The following TDRD3 variants were observed in gnomAD, a reference collection of about 807,000 sequenced individuals.
The protein encoded by TDRD3 is tudor domain-containing protein 3.
A neutral mutation model predicts 86.7 loss-of-function variants in TDRD3; 45 were observed. The ratio of observed to expected loss-of-function variants is 0.52; its 90% CI spans 0.41 to 0.67. TDRD3 has a LOEUF of 0.67. Among genes scored for constraint, TDRD3 ranks in the 30% least tolerant of loss-of-function variants. TDRD3 has a pLI of 0.00. For synonymous variants in TDRD3, 298 were observed against 301.7 expected (o/e 0.99, Z 0.13); for missense variants, 814 against 889.0 (o/e 0.92, Z 1.07).
In TDRD3 at chr13:60,510,650, C is replaced by A; in HGVS notation, c.1036C>A (p.Arg346=). ...TAAAGGTAGAGGAAAAGGCAGGGGGCGAATAAGATCTGAAGATGAAGAGGA... is the reference window on the plus strand; with the variant it reads ...TAAAGGTAGAGGAAAAGGCAGGGGGAGAATAAGATCTGAAGATGAAGAGGA... ...PLRGRGKGRG[R]IRSEDEEDLG... is the part of the protein sequence containing the mutation. The change falls in exon 10 of 14, where the codon CGA becomes AGA. Residue 346 remains arginine, a synonymous_variant. Coordinates refer to ENST00000377881, the MANE Select transcript of TDRD3 (RefSeq NM_001146070.2). 6.2e-7 allele frequency: 1 copy of A among 1,600,380 alleles called. No individual in the cohort carries two copies. Among genetic ancestry groups the A allele is most frequent in the Non-Finnish European group, 8.5e-7 (1 of 1,173,410 alleles).
At chr13:60,561,104 G>A (rs1958322068) in intron 12 of TDRD3, among the ~76,000 whole-genome samples, 1 of 152,044 alleles carries the variant, frequency 6.6e-6, no homozygotes, top group Non-Finnish European at 1.5e-5. Flanking sequence ...CAGAAACCAA[G>A]ATAATCTGTT....
At chr13:60,453,152 T>C (rs954814222) in intron 3 of TDRD3, among the ~76,000 whole-genome samples, 1 of 152,150 alleles carries the variant, frequency 6.6e-6, no homozygotes, top group Admixed American at 6.5e-5. Context: ...TAGCAAAAGC[T>C]AAATATGACA....
chr13:60,397,285 T>TC lies in TDRD3; in HGVS notation c.-80_-79insC. On this transcript the variant is annotated 5_prime_UTR_variant, in exon 1 of 14. It introduces an in-frame stop codon into an upstream open reading frame of the 5' UTR. Transcript: ENST00000377881. ...TTCTTTTCTTTTCTTTTTTTTTTTT[T>TC]AAGGGGGGGGGTCTCAAGTAGGAGG... The TC allele has an allele frequency of 2.1e-5, 13 of 623,710 alleles. No homozygotes were observed. Among genetic ancestry groups the TC allele is most frequent in the East Asian group, 3.8e-5 (1 of 26,488 alleles). The allele number at this position is 623,710 out of a possible 1,614,324, so 38.6% of individuals were successfully genotyped here.
At chr13:60,453,355 C>G (rs888121065) in intron 3 of TDRD3, among the ~76,000 whole-genome samples, 1 of 152,126 alleles carries the variant, frequency 6.6e-6, no homozygotes, top group African/African-American at 2.4e-5. Flanking sequence ...CTTTTCCTAG[C>G]CAATTCAGTT....
intron 7 of TDRD3, among the ~76,000 whole-genome samples, chr13:60,491,959 G>A (rs1000860803): frequency 5.9e-5 from 9 of 152,094 alleles, no homozygotes; most frequent in African/African-American, 2.2e-4. Context: ...GCCCACTTGA[G>A]TTTCACAGTC....
At chr13:60,405,490 T>C (rs1407622737) in intron 1 of TDRD3, among the ~76,000 whole-genome samples, 1 of 152,156 alleles carries the variant, frequency 6.6e-6, no homozygotes, top group Non-Finnish European at 1.5e-5. Flanking sequence ...GGGGAGTTCG[T>C]GTTTTCATGG....
chr13:60,457,311 A>G (rs1425975647), intron 3 of TDRD3, among the ~76,000 whole-genome samples: 10 of 152,238 alleles, frequency 6.6e-5, no homozygotes, highest in Non-Finnish European at 1.2e-4. Context: ...CTTTTGAACC[A>G]GTTAACAAGT....
Position 60,528,356 on chromosome 13 carries a change from T to C in TDRD3, c.1142-11T>C, listed in dbSNP as rs781762699. The C allele has an allele frequency of 6.9e-6, 11 of 1,587,040 alleles. No homozygotes were observed. Among genetic ancestry groups the C allele is most frequent in the South Asian group, 2.3e-5 (2 of 86,382 alleles). On this transcript the variant is annotated splice_polypyrimidine_tract_variant and intron_variant, in intron 10 of 13. Transcript: ENST00000377881. ...ATCTTAATTTGCATATGGTATACTT[T>C]TACCTTTCAGAACCTAAATCACAGC...
rs186388669 is a variant in TDRD3, at chr13:60,490,840, A to G, written c.718-3595A>G. Among the ~76,000 whole-genome samples the G allele has an allele frequency of 3.4e-3, 525 of 152,256 alleles. 5 individuals are homozygous for G. Among genetic ancestry groups the G allele is most frequent in the African/African-American group, 0.012 (506 of 41,558 alleles). On this transcript the variant is annotated intron_variant, in intron 7 of 13. Coordinates refer to ENST00000377881, the MANE Select transcript of TDRD3 (RefSeq NM_001146070.2). Reference sequence around the variant, plus strand: ...TGTGGTATCAAGAATGAATCTAGCCAGGCGCAGTGGCTCACGCCTGTAATC... The same window carrying G: ...TGTGGTATCAAGAATGAATCTAGCCGGGCGCAGTGGCTCACGCCTGTAATC...
chr13:60,518,061 T>C (rs1199615265), intron 10 of TDRD3, among the ~76,000 whole-genome samples: 3 of 152,238 alleles, frequency 2.0e-5, no homozygotes, highest in Non-Finnish European at 4.4e-5. Flanking sequence ...TCTGACAGCA[T>C]GATAGCTTTT....
chr13:60,556,965 G>A (rs1176537117), intron 12 of TDRD3, among the ~76,000 whole-genome samples: 1 of 152,174 alleles, frequency 6.6e-6, no homozygotes. Context: ...AACACTTTAG[G>A]AGGCTGAGGC....
chr13:60,553,241 T>C (rs942883885), intron 12 of TDRD3, among the ~76,000 whole-genome samples: 5 of 152,220 alleles, frequency 3.3e-5, no homozygotes, highest in African/African-American at 9.6e-5. Context: ...ATAAGCCAGG[T>C]CACCTCTTGA....
chr13:60,464,903 G>A (rs755256233), intron 4 of TDRD3, among the ~76,000 whole-genome samples: 6 of 152,100 alleles, frequency 3.9e-5, no homozygotes, highest in Non-Finnish European at 8.8e-5. Context: ...ATAGTTAACA[G>A]TAATTTATTG....
intron 13 of TDRD3, among the ~76,000 whole-genome samples, chr13:60,569,575 T>C (rs1005267940): frequency 3.9e-5 from 6 of 151,936 alleles, no homozygotes; most frequent in African/African-American, 1.2e-4. Flanking sequence ...AAAAAATAAT[T>C]CTAAAATTTA....
chr13:60,510,900 T>G, intron 10 of TDRD3, 145 bp downstream of exon 10: 3 of 837,828 alleles, frequency 3.6e-6, no homozygotes, highest in Non-Finnish European at 5.0e-6. Context: ...TCCTGAGTGT[T>G]TGTTTATAAA....
intron 8 of TDRD3, among the ~76,000 whole-genome samples, chr13:60,504,261 T>C (rs1174622363): frequency 6.6e-6 from 1 of 152,226 alleles, no homozygotes; most frequent in Non-Finnish European, 1.5e-5. Flanking sequence ...TAAAACTGTT[T>C]AGTGATCTCA....
intron 12 of TDRD3, among the ~76,000 whole-genome samples, chr13:60,554,053 C>T (rs1958129335): frequency 6.6e-6 from 1 of 152,178 alleles, no homozygotes; most frequent in Admixed American, 6.5e-5. Flanking sequence ...TTTTCCTTCA[C>T]ACTTTTGAAA....
intron 10 of TDRD3, among the ~76,000 whole-genome samples, chr13:60,525,652 G>A (rs1008229173): frequency 6.6e-6 from 1 of 152,122 alleles, no homozygotes; most frequent in African/African-American, 2.4e-5. Flanking sequence ...AGTACCAAGT[G>A]TAATGACTTT....
chr13:60,552,794 C>T (rs1253496489), intron 12 of TDRD3, among the ~76,000 whole-genome samples: 6 of 152,358 alleles, frequency 3.9e-5, no homozygotes, highest in East Asian at 1.9e-4. Context: ...GCCAACACCA[C>T]GTGGAAGCCG....
Sources: allele counts gnomAD v4.1 joint callset (sites outside exome capture counted in the v4.1 genomes callset), GRCh38; gene constraint gnomAD v4.1.1; transcripts MANE v1.5; gene names NCBI Gene and HGNC (gene_info 2026-07-23, HGNC 2026-07-21).